S100Z: variants seen among roughly 807,000 people sequenced by gnomAD.
The protein encoded by S100Z is S100 calcium binding protein Z, also known as protein S100-Z.
S100Z carries 11 observed loss-of-function variants against 8.5 expected under a neutral mutation model. That is an observed-to-expected ratio of 1.30 (90% CI 0.82 to 2.15). The LOEUF (loss-of-function observed/expected upper bound fraction) is 2.15. Ranked by LOEUF, S100Z falls within the 30% of genes most tolerant of loss-of-function variation. S100Z has a pLI of 0.00. For synonymous variants in S100Z, 34 were observed against 43.8 expected (o/e 0.78, Z 0.89); for missense variants, 126 against 117.9 (o/e 1.07, Z -0.32).
At chr5:76,901,068 C>A (rs1744210459) in intron 4 of S100Z, among the ~76,000 whole-genome samples, 1 of 152,206 alleles carries the variant, frequency 6.6e-6, no homozygotes, top group African/African-American at 2.4e-5. Flanking sequence ...TACTTTCTCC[C>A]AAACATACAG....
chr5:76,940,664 C>G, the S100Z span, among the ~76,000 whole-genome samples: 1 of 152,194 alleles, frequency 6.6e-6, no homozygotes, highest in Non-Finnish European at 1.5e-5. Flanking sequence ...CCACCCACCA[C>G]GGCCTCCCAA....
intron 1 of S100Z, among the ~76,000 whole-genome samples, chr5:76,851,183 G>A (rs1033478950): frequency 6.6e-6 from 1 of 152,222 alleles, no homozygotes; most frequent in African/African-American, 2.4e-5. Flanking sequence ...TGGAGGACTG[G>A]CACCTGAGCA....
At chr5:76,918,280 C>T (rs973211378) in intron 4 of S100Z, among the ~76,000 whole-genome samples, 2 of 152,142 alleles carry the variant, frequency 1.3e-5, no homozygotes, top group African/African-American at 4.8e-5. Context: ...AATCTCAGCT[C>T]GCTGCAACTT....
chr5:76,917,366 A>G (rs934837533), intron 4 of S100Z, among the ~76,000 whole-genome samples: 13 of 152,198 alleles, frequency 8.5e-5, no homozygotes, highest in Admixed American at 7.9e-4. Flanking sequence ...GATAGTCACA[A>G]TAATTCTGAA....
intron 4 of S100Z, 21 bp downstream of exon 4, chr5:76,877,855 A>C (rs754070966): frequency 1.3e-6 from 2 of 1,556,466 alleles, no homozygotes; most frequent in Non-Finnish European, 1.8e-6. Context: ...AGCTCATCTA[A>C]AGGCAGAAAT....
chr5:76,888,298 G>T (rs1327262589), intron 4 of S100Z, among the ~76,000 whole-genome samples: 41 of 146,142 alleles, frequency 2.8e-4, no homozygotes, highest in African/African-American at 9.9e-4. Context: ...ATTATTTTAG[G>T]CAGATAGAGA....
chr5:76,939,553 C>T, the S100Z span, among the ~76,000 whole-genome samples: 1 of 144,896 alleles, frequency 6.9e-6, no homozygotes, highest in African/African-American at 2.6e-5. Context: ...GCTCTTGTTG[C>T]CCAGGTTGGA....
At chr5:76,862,781 G>A (rs184999834) in intron 1 of S100Z, among the ~76,000 whole-genome samples, 4 of 152,082 alleles carry the variant, frequency 2.6e-5, no homozygotes, top group East Asian at 1.9e-4. Flanking sequence ...CAGCCTGGGC[G>A]ACAGAGTGAG....
At chr5:76,907,957 C>T (rs920219616) in intron 4 of S100Z, among the ~76,000 whole-genome samples, 4 of 152,040 alleles carry the variant, frequency 2.6e-5, no homozygotes, top group Non-Finnish European at 5.9e-5. Flanking sequence ...GGTGAAAGCA[C>T]TTCTCTACAA....
intron 4 of S100Z, among the ~76,000 whole-genome samples, chr5:76,885,861 GTT>G (rs1743605849): frequency 1.3e-5 from 2 of 149,218 alleles, no homozygotes; most frequent in African/African-American, 5.0e-5. Flanking sequence ...GGGGGTGCTT[GTT>G]CCCCAGAAAA....
At chr5:76,850,986 T>A (rs991847387) in intron 1 of S100Z, among the ~76,000 whole-genome samples, 2 of 152,016 alleles carry the variant, frequency 1.3e-5, no homozygotes, top group Non-Finnish European at 2.9e-5. Flanking sequence ...TTTTTGAGGA[T>A]GACATAAAGG....
At chr5:76,886,493 C>T (rs1743638626) in intron 4 of S100Z, among the ~76,000 whole-genome samples, 1 of 152,034 alleles carries the variant, frequency 6.6e-6, no homozygotes. Context: ...GTCTGAGGAC[C>T]CGAGGTCGTA....
downstream of S100Z, among the ~76,000 whole-genome samples, chr5:76,926,244 AAC>A (rs1399661114): frequency 1.3e-5 from 2 of 152,106 alleles, no homozygotes; most frequent in Admixed American, 1.3e-4. Flanking sequence ...GTGAGTGATG[AAC>A]TTAGAGTTGG....
intron 4 of S100Z, among the ~76,000 whole-genome samples, chr5:76,895,088 T>C (rs1743991501): frequency 6.6e-6 from 1 of 152,036 alleles, no homozygotes; most frequent in African/African-American, 2.4e-5. Flanking sequence ...GCGTGGCCAC[T>C]CCCCCTCTGC....
intron 4 of S100Z, among the ~76,000 whole-genome samples, chr5:76,886,245 G>A (rs1444569713): frequency 6.6e-6 from 1 of 152,198 alleles, no homozygotes; most frequent in Non-Finnish European, 1.5e-5. Context: ...ACTAAGGGAA[G>A]GCTGCCTTCC....
chr5:76,868,043 T>C (rs1181807795), intron 1 of S100Z, among the ~76,000 whole-genome samples: 2 of 152,230 alleles, frequency 1.3e-5, no homozygotes, highest in African/African-American at 4.8e-5. Flanking sequence ...TAACCCTCTG[T>C]GCTATCAACA....
the S100Z span, among the ~76,000 whole-genome samples, chr5:76,928,445 C>T: frequency 6.6e-6 from 1 of 152,168 alleles, no homozygotes; most frequent in Non-Finnish European, 1.5e-5. Flanking sequence ...CTTTGTCCCT[C>T]ATGGCATATT....
chr5:76,852,911 T>C (rs1750770460), intron 1 of S100Z, among the ~76,000 whole-genome samples: 1 of 152,230 alleles, frequency 6.6e-6, no homozygotes, highest in African/African-American at 2.4e-5. Context: ...CTATTCATAG[T>C]ATCCATGGGA....
chr5:76,936,529 GTCAA>G, the S100Z span, among the ~76,000 whole-genome samples: 235 of 150,446 alleles, frequency 1.6e-3, 1 homozygote, highest in Non-Finnish European at 2.2e-3. Flanking sequence ...AGAGAAAAAA[GTCAA>G]TCAAAAAAAT....
Sources: gnomAD v4.1 joint callset for allele counts (sites outside exome capture counted in the v4.1 genomes callset) on GRCh38, gnomAD v4.1.1 for gene constraint, MANE v1.5 for transcripts, NCBI Gene and HGNC (gene_info 2026-07-23, HGNC 2026-07-21) for gene names.